Variants in AKAP6 observed in about 807,000 individuals in gnomAD.
AKAP6 encodes A-kinase anchoring protein 6.
AKAP6 carries 58 observed loss-of-function variants against 188.5 expected under a neutral mutation model. The observed-to-expected ratio is 0.31, with a 90% CI of 0.25 to 0.38. The LOEUF (loss-of-function observed/expected upper bound fraction) is 0.38, where lower values mean the gene tolerates loss of function less well. AKAP6 is among the 10% of genes least tolerant of loss of function. AKAP6 has a pLI of 1.00. For missense variants in AKAP6, 2,710 were observed against 2,740.0 expected (o/e 0.99, Z 0.24); for synonymous variants, 989 against 998.6 (o/e 0.99, Z 0.18).
At chr14:32,620,048 C>A (rs992361430) in intron 7 of AKAP6, among the ~76,000 whole-genome samples, 3 of 152,114 alleles carry the variant, frequency 2.0e-5, no homozygotes, top group African/African-American at 7.2e-5. Context: ...TGAGACTTTA[C>A]TGAATTCATT....
intron 2 of AKAP6, among the ~76,000 whole-genome samples, chr14:32,520,249 G>C (rs1881749186): frequency 6.6e-6 from 1 of 152,206 alleles, no homozygotes; most frequent in Admixed American, 6.5e-5. Context: ...AAGCAGGAAA[G>C]ATCTAAAATT....
intron 11 of AKAP6, among the ~76,000 whole-genome samples, chr14:32,736,435 A>G (rs4982001): frequency 0.15 from 23,155 of 152,072 alleles, 1,849 homozygotes; most frequent in Middle Eastern, 0.2. Flanking sequence ...TTTTCACTGT[A>G]TGTCCATGGA....
In AKAP6 at chr14:32,484,965, C is replaced by T. The variant is rs566222784; in HGVS notation, c.325-50589C>T. Among the ~76,000 whole-genome samples the T allele has an allele frequency of 1.1e-4, 8 of 74,814 alleles. 4 individuals are homozygous for T. In the South Asian group the frequency reaches 3.0e-3, roughly 28 times the overall value. The allele number at this position is 74,814 out of a possible 152,430, so 49.1% of individuals were successfully genotyped here. On this transcript the variant is annotated intron_variant, in intron 2 of 13. Transcript: ENST00000280979. ...CTTCTCCCGCCTTTTTTTCCTGCGG[C>T]GGGAGAAGTAGATTGAAGCGTTGAT... is the stretch of plus-strand genomic sequence containing the variant.
intron 11 of AKAP6, among the ~76,000 whole-genome samples, chr14:32,748,568 T>C (rs374053474): frequency 6.6e-6 from 1 of 152,220 alleles, no homozygotes; most frequent in African/African-American, 2.4e-5. Flanking sequence ...GGGTTTCACC[T>C]ACTTTGGTGA....
chr14:32,638,440 C>T (rs946045527), intron 7 of AKAP6, among the ~76,000 whole-genome samples: 1 of 151,870 alleles, frequency 6.6e-6, no homozygotes, highest in Non-Finnish European at 1.5e-5. Flanking sequence ...CCTATTTCAC[C>T]GTGTATTAGC....
chr14:32,480,112 A>G (rs1178185343), intron 2 of AKAP6, among the ~76,000 whole-genome samples: 4 of 152,168 alleles, frequency 2.6e-5, no homozygotes, highest in Admixed American at 2.0e-4. Context: ...GTCTCTTACT[A>G]GTCTGTCTTT....
intron 2 of AKAP6, among the ~76,000 whole-genome samples, chr14:32,493,190 G>A (rs1465585590): frequency 1.3e-5 from 2 of 151,978 alleles, no homozygotes; most frequent in African/African-American, 4.8e-5. Context: ...TGGGCTCTAA[G>A]GCACACTCTT....
chr14:32,751,162 G>GT (rs56406124), intron 11 of AKAP6, among the ~76,000 whole-genome samples: 93,797 of 151,810 alleles, frequency 0.62, 32,154 homozygotes, highest in Non-Finnish European at 0.76. Flanking sequence ...CTGAACTTCA[G>GT]TTTTTTTCAT....
chr14:32,654,443 A>C (rs970724488), intron 7 of AKAP6, among the ~76,000 whole-genome samples: 1 of 152,180 alleles, frequency 6.6e-6, no homozygotes, highest in Admixed American at 6.5e-5. Flanking sequence ...CCAATCACAA[A>C]TGCAACAAAC....
chr14:32,575,801 A>G (rs1399270739), intron 4 of AKAP6, among the ~76,000 whole-genome samples: 1 of 152,172 alleles, frequency 6.6e-6, no homozygotes, highest in African/African-American at 2.4e-5. Flanking sequence ...ACTATGTGGG[A>G]TGATAGACTG....
intron 4 of AKAP6, among the ~76,000 whole-genome samples, chr14:32,566,439 G>T (rs1459196422): frequency 6.6e-6 from 1 of 152,098 alleles, no homozygotes; most frequent in Admixed American, 6.5e-5. Context: ...CTGAATAGGA[G>T]ACTCAAGATT....
At chr14:32,339,086 AC>A (rs1886810670) in intron 1 of AKAP6, among the ~76,000 whole-genome samples, 1 of 152,084 alleles carries the variant, frequency 6.6e-6, no homozygotes, top group South Asian at 2.1e-4. Flanking sequence ...TAAACATTTT[AC>A]TTGTTTGTTT....
At chr14:32,354,615 T>G (rs541576535) in intron 1 of AKAP6, among the ~76,000 whole-genome samples, 1 of 152,230 alleles carries the variant, frequency 6.6e-6, no homozygotes, top group Admixed American at 6.5e-5. Flanking sequence ...TCTGTAAGTA[T>G]GCTCAAATCT....
chr14:32,783,306 C>T (rs1003484426), intron 12 of AKAP6, among the ~76,000 whole-genome samples: 6 of 151,780 alleles, frequency 4.0e-5, no homozygotes, highest in Non-Finnish European at 7.4e-5. Context: ...GAAAAAAAAT[C>T]ATAGGGTAAA....
At chr14:32,813,419 C>A (rs1270089910) in intron 12 of AKAP6, among the ~76,000 whole-genome samples, 3 of 122,930 alleles carry the variant, frequency 2.4e-5, no homozygotes, top group African/African-American at 9.0e-5. Context: ...TCCCAGAGGT[C>A]CTTCGGTGGA....
chr14:32,630,555 A>T (rs1000272045), intron 7 of AKAP6, among the ~76,000 whole-genome samples: 1 of 152,062 alleles, frequency 6.6e-6, no homozygotes, highest in Non-Finnish European at 1.5e-5. Context: ...GAGAGAAAAA[A>T]TTCCTATCAA....
At chr14:32,469,759 A>G (rs898096722) in intron 2 of AKAP6, among the ~76,000 whole-genome samples, 2 of 149,732 alleles carry the variant, frequency 1.3e-5, no homozygotes, top group African/African-American at 2.5e-5. Context: ...TCAGCCAGAC[A>G]TGCTGCTCGG....
intron 2 of AKAP6, among the ~76,000 whole-genome samples, chr14:32,501,446 T>C (rs901018125): frequency 5.9e-5 from 9 of 152,004 alleles, no homozygotes; most frequent in Non-Finnish European, 8.8e-5. Context: ...CAAAGGAAGT[T>C]TTAAGGATTC....
At chr14:32,746,182 T>G (rs2031903115) in intron 11 of AKAP6, among the ~76,000 whole-genome samples, 2 of 152,190 alleles carry the variant, frequency 1.3e-5, no homozygotes, top group South Asian at 4.1e-4. Flanking sequence ...AGCTGATATC[T>G]AAGATGCGAG....
Sources: gnomAD v4.1 joint callset for allele counts (sites outside exome capture counted in the v4.1 genomes callset) on GRCh38, gnomAD v4.1.1 for gene constraint, MANE v1.5 for transcripts, NCBI Gene and HGNC (gene_info 2026-07-23, HGNC 2026-07-21) for gene names.